Variants in GABBR2 observed in about 807,000 individuals in gnomAD.
GABBR2 encodes the protein gamma-aminobutyric acid type B receptor subunit 2, also known as G-protein coupled receptor 51.
In GABBR2, 23 loss-of-function variants were observed where a neutral mutation model predicts 105.6. The observed-to-expected ratio is 0.22, with a 90% CI of 0.16 to 0.31. GABBR2 has a LOEUF of 0.31. Ranked by LOEUF, GABBR2 falls within the 10% of genes least tolerant of loss-of-function variation. The probability of loss-of-function intolerance (pLI) is 1.00; values close to 1 mark genes in which losing one functional copy is unlikely to be tolerated. For synonymous variants in GABBR2, 478 were observed against 499.7 expected, an observed-to-expected ratio of 0.96 and a Z score of 0.58; for missense variants, 734 against 1,245.5, an observed-to-expected ratio of 0.59 and a Z score of 6.18.
At chr9:98,533,995 G>A (rs1014886514) in intron 3 of GABBR2, among the ~76,000 whole-genome samples, 1 of 152,202 alleles carries the variant, frequency 6.6e-6, no homozygotes. Context: ...GCAAGCCCAG[G>A]GTCTCCCCGT....
intron 2 of GABBR2, among the ~76,000 whole-genome samples, chr9:98,570,756 A>G (rs1828818971): frequency 6.6e-6 from 1 of 152,182 alleles, no homozygotes; most frequent in Admixed American, 6.5e-5. Flanking sequence ...TTAGAAAACC[A>G]GGGGGCGGGG....
At chr9:98,623,815 A>C (rs763463466) in intron 1 of GABBR2, among the ~76,000 whole-genome samples, 1 of 152,144 alleles carries the variant, frequency 6.6e-6, no homozygotes, top group East Asian at 1.9e-4. Flanking sequence ...TCCTTAACTT[A>C]ATCCCATCTG....
At chr9:98,652,989 G>A (rs1167601855) in intron 1 of GABBR2, among the ~76,000 whole-genome samples, 3 of 152,186 alleles carry the variant, frequency 2.0e-5, no homozygotes, top group African/African-American at 7.2e-5. Context: ...ACACTCCTCA[G>A]CTACTTTTTT....
intron 2 of GABBR2, among the ~76,000 whole-genome samples, chr9:98,551,741 G>A (rs1828489658): frequency 6.6e-6 from 1 of 152,226 alleles, no homozygotes; most frequent in Admixed American, 6.5e-5. Flanking sequence ...GCAGAGAGAA[G>A]TGGTGAGCTC....
chr9:98,390,628 A>T (rs1308163527), intron 9 of GABBR2, among the ~76,000 whole-genome samples: 3 of 151,770 alleles, frequency 2.0e-5, no homozygotes, highest in African/African-American at 7.3e-5. Flanking sequence ...TTGCTTCCAG[A>T]TGGTGAAAGC....
intron 4 of GABBR2, among the ~76,000 whole-genome samples, chr9:98,489,754 C>T (rs543168743): frequency 9.5e-4 from 145 of 152,170 alleles, no homozygotes; most frequent in African/African-American, 3.3e-3. Context: ...CAGAGGAAGA[C>T]ACCAAGGCAG....
At chr9:98,447,345 G>A (rs958901783) in intron 7 of GABBR2, among the ~76,000 whole-genome samples, 5 of 112,734 alleles carry the variant, frequency 4.4e-5, no homozygotes, top group Non-Finnish European at 1.0e-4. Context: ...TTACAGGCGT[G>A]AGCCACCGCG....
chr9:98,439,496 C>T (rs1447168767), intron 7 of GABBR2, among the ~76,000 whole-genome samples: 1 of 152,174 alleles, frequency 6.6e-6, no homozygotes, highest in African/African-American at 2.4e-5. Context: ...ATGAAGGACA[C>T]TAATATCGGG....
At chr9:98,342,054 G>T (rs1336395128) in intron 13 of GABBR2, among the ~76,000 whole-genome samples, 1 of 152,150 alleles carries the variant, frequency 6.6e-6, no homozygotes, top group Non-Finnish European at 1.5e-5. Flanking sequence ...GGAGGTCACA[G>T]ACAAGAGGGG....
chr9:98,676,063 C>G (rs1830473895), intron 1 of GABBR2, among the ~76,000 whole-genome samples: 2 of 152,202 alleles, frequency 1.3e-5, no homozygotes, highest in Admixed American at 6.5e-5. Flanking sequence ...GCATATGTGA[C>G]TAAGAATTTT....
intron 3 of GABBR2, among the ~76,000 whole-genome samples, chr9:98,505,447 T>TGTGTGTGTGC (rs760291131): frequency 0.01 from 1,538 of 151,850 alleles, 19 homozygotes; most frequent in Admixed American, 0.015. Context: ...TGTGTGTGTG[T>TGTGTGTGTGC]GTGTGTGTGT....
At chr9:98,330,077 A>G (rs1830997392) in intron 13 of GABBR2, among the ~76,000 whole-genome samples, 2 of 152,162 alleles carry the variant, frequency 1.3e-5, no homozygotes, top group Non-Finnish European at 2.9e-5. Context: ...AATTTCCTGT[A>G]TGGCTCTCCA....
At chr9:98,647,230 G>A (rs1219601827) in intron 1 of GABBR2, among the ~76,000 whole-genome samples, 1 of 152,164 alleles carries the variant, frequency 6.6e-6, no homozygotes, top group African/African-American at 2.4e-5. Context: ...GCCCATCACT[G>A]GGAATGACAG....
At chr9:98,428,841 A>G (rs931210674) in intron 7 of GABBR2, among the ~76,000 whole-genome samples, 27 of 152,216 alleles carry the variant, frequency 1.8e-4, no homozygotes, top group Admixed American at 6.5e-5. Flanking sequence ...GACCTGGCCC[A>G]GGAGAAAGCA....
chr9:98,586,322 CAG>C (rs1340645474), intron 1 of GABBR2, among the ~76,000 whole-genome samples: 2 of 138,216 alleles, frequency 1.4e-5, no homozygotes, highest in Non-Finnish European at 3.1e-5. Flanking sequence ...TTTTTTTAGA[CAG>C]ACTCTCAGTC....
At chr9:98,694,131 C>T (rs1434638574) in intron 1 of GABBR2, among the ~76,000 whole-genome samples, 4 of 152,262 alleles carry the variant, frequency 2.6e-5, no homozygotes, top group Admixed American at 6.5e-5. Context: ...GCATTCCAGC[C>T]GCCCACTCCT....
chr9:98,379,058 C>T (rs919996668), intron 11 of GABBR2, among the ~76,000 whole-genome samples: 2 of 152,142 alleles, frequency 1.3e-5, no homozygotes, highest in Non-Finnish European at 2.9e-5. Flanking sequence ...TCAGAGGTCC[C>T]GTCTGTGTCA....
At chr9:98,344,259 C>G (rs2131412103) in intron 13 of GABBR2, among the ~76,000 whole-genome samples, 1 of 152,342 alleles carries the variant, frequency 6.6e-6, no homozygotes, top group African/African-American at 2.4e-5. Context: ...CCCTGAACTT[C>G]AGATCCGTAT....
chr9:98,423,357 C>G (rs1832818324), intron 7 of GABBR2, among the ~76,000 whole-genome samples: 1 of 152,194 alleles, frequency 6.6e-6, no homozygotes, highest in Non-Finnish European at 1.5e-5. Context: ...TCTCTGATGG[C>G]CAGTGACGAT....
Sources: gnomAD v4.1 joint callset for allele counts (sites outside exome capture counted in the v4.1 genomes callset) on GRCh38, gnomAD v4.1.1 for gene constraint, MANE v1.5 for transcripts, NCBI Gene and HGNC (gene_info 2026-07-23, HGNC 2026-07-21) for gene names.